The following MRAP2 variants were observed in gnomAD, a reference collection of about 807,000 sequenced individuals.
MRAP2 encodes melanocortin-2 receptor accessory protein 2.
MRAP2 carries 20 observed loss-of-function variants against 17.4 expected under a neutral mutation model. The ratio of observed to expected loss-of-function variants is 1.15; its 90% CI spans 0.81 to 1.67. The LOEUF (loss-of-function observed/expected upper bound fraction) is 1.67, where lower values mean the gene tolerates loss of function less well. Ranked by LOEUF, MRAP2 falls within the 40% of genes most tolerant of loss-of-function variation. The pLI, the probability that MRAP2 is intolerant of heterozygous loss-of-function variation, is 0.00. For missense variants in MRAP2, 238 were observed against 240.0 expected, an observed-to-expected ratio of 0.99 and a Z score of 0.05; for synonymous variants, 96 against 88.4, an observed-to-expected ratio of 1.09 and a Z score of -0.48.
At chr6:84,120,306 A>G in the MRAP2 span, among the ~76,000 whole-genome samples, 6 of 152,166 alleles carry the variant, frequency 3.9e-5, no homozygotes, top group African/African-American at 1.4e-4. Context: ...CAATCTCTTG[A>G]TCAACAATTC....
At chr6:84,097,488 CTG>C in the MRAP2 span, among the ~76,000 whole-genome samples, 3 of 152,120 alleles carry the variant, frequency 2.0e-5, no homozygotes, top group South Asian at 2.1e-4. Context: ...TCTCAGTTCA[CTG>C]TGTTTCCAGA....
At chr6:84,108,566 T>G in the MRAP2 span, among the ~76,000 whole-genome samples, 1 of 152,200 alleles carries the variant, frequency 6.6e-6, no homozygotes, top group Non-Finnish European at 1.5e-5. Context: ...TCCTTATAGA[T>G]GCTGGATATT....
Position 84,058,072 on chromosome 6 carries a change from G to T in MRAP2, c.127+2627G>T, listed in dbSNP as rs185647915. Among the ~76,000 whole-genome samples, 5 of 152,238 alleles carry T rather than the reference G, an allele frequency of 3.3e-5. No homozygotes were observed. The South Asian group carries it at 1.0e-3, about 32-fold the overall frequency. ...GGCTGTGGGGACAAGGACATGGGGG[G>T]GCCTTAGAGGTCATGCTAAGGACTT... On this transcript the variant is annotated intron_variant, in intron 2 of 3. Coordinates refer to ENST00000257776, the MANE Select transcript of MRAP2 (RefSeq NM_138409.4).
the MRAP2 span, among the ~76,000 whole-genome samples, chr6:84,135,975 G>A: frequency 1.3e-5 from 2 of 152,218 alleles, no homozygotes; most frequent in African/African-American, 2.4e-5. Flanking sequence ...CACTTTGCTA[G>A]AGGAATTGTG....
chr6:84,124,776 T>C, the MRAP2 span: 3 of 356,360 alleles, frequency 8.4e-6, no homozygotes, highest in African/African-American at 6.6e-5. Flanking sequence ...TGGCGGAGTA[T>C]GTTCAATTTT....
intron 3 of MRAP2, among the ~76,000 whole-genome samples, chr6:84,080,942 T>C (rs1247094467): frequency 6.6e-6 from 1 of 152,222 alleles, no homozygotes; most frequent in Non-Finnish European, 1.5e-5. Context: ...CCCAGAGGAA[T>C]ATATCTAGGT....
chr6:84,126,636 G>A, the MRAP2 span: 6,516 of 595,688 alleles, frequency 0.011, 55 homozygotes, highest in Non-Finnish European at 0.014. Context: ...GATTGTTAGA[G>A]TAATTAATAG....
chr6:84,035,467 T>A (rs1030826926), intron 1 of MRAP2: 2 of 965,584 alleles, frequency 2.1e-6, no homozygotes, highest in East Asian at 2.3e-4. Context: ...TCTTCAAATG[T>A]GGGCTGTGAC....
At chr6:84,117,837 C>T in the MRAP2 span, among the ~76,000 whole-genome samples, 1 of 152,178 alleles carries the variant, frequency 6.6e-6, no homozygotes, top group Non-Finnish European at 1.5e-5. Flanking sequence ...AAGATGGCGG[C>T]CTGCCCCTTC....
intron 3 of MRAP2, among the ~76,000 whole-genome samples, chr6:84,085,965 A>C (rs1198223273): frequency 6.6e-6 from 1 of 152,246 alleles, no homozygotes; most frequent in Non-Finnish European, 1.5e-5. Context: ...AGAACAGGTG[A>C]GCCATGGAGG....
At chr6:84,080,244 G>T (rs1269505632) in intron 3 of MRAP2, among the ~76,000 whole-genome samples, 1 of 151,660 alleles carries the variant, frequency 6.6e-6, no homozygotes, top group African/African-American at 2.4e-5. Context: ...CACCATTTTA[G>T]CCAGGATGGT....
At chr6:84,095,049 A>G (rs1230173883), downstream of MRAP2, among the ~76,000 whole-genome samples, 2 of 152,176 alleles carry the variant, frequency 1.3e-5, no homozygotes, top group Non-Finnish European at 2.9e-5. Context: ...TACAACAGCA[A>G]TAGAAATTAA....
chr6:84,069,025 G>A lies in MRAP2; in HGVS notation c.227+6033G>A, dbSNP rs1429986150. ...TCTGGAGGAGCCTTTAGGGTTTGCT[G>A]ATGATCATATCGTCAGCAAACAGTG... On this transcript the variant is annotated intron_variant, in intron 3 of 3. Transcript: ENST00000257776. Among the ~76,000 whole-genome samples, 3 of 151,920 alleles carry A rather than the reference G, an allele frequency of 2.0e-5. No homozygotes were observed. The East Asian group carries it at 5.8e-4, about 29-fold the overall frequency.
chr6:84,083,584 C>T (rs1354614959), intron 3 of MRAP2, among the ~76,000 whole-genome samples: 1 of 152,084 alleles, frequency 6.6e-6, no homozygotes, highest in Non-Finnish European at 1.5e-5. Context: ...TCTTGATGAA[C>T]AGTAAACCCG....
At chr6:84,126,331 C>G in the MRAP2 span, 1 of 1,398,706 alleles carries the variant, frequency 7.1e-7, no homozygotes, top group South Asian at 1.7e-5. Context: ...ATTAAAGGCA[C>G]TTAAAAGTAA....
At chr6:84,093,316 C>A (rs541341623), downstream of MRAP2, among the ~76,000 whole-genome samples, 15 of 152,212 alleles carry the variant, frequency 9.9e-5, no homozygotes, top group African/African-American at 3.4e-4. Flanking sequence ...TATGTAGGAA[C>A]TTGACTCACC....
intron 1 of MRAP2, among the ~76,000 whole-genome samples, chr6:84,049,887 T>G (rs1468201939): frequency 1.3e-5 from 2 of 152,090 alleles, no homozygotes; most frequent in African/African-American, 4.8e-5. Context: ...GAGTACTTTC[T>G]AGGATACACT....
chr6:84,132,130 G>T, the MRAP2 span, among the ~76,000 whole-genome samples: 3 of 152,266 alleles, frequency 2.0e-5, no homozygotes, highest in East Asian at 1.9e-4. Context: ...TGAAATTCTG[G>T]GTTGAAAATT....
At chr6:84,063,057 T>C (rs2099493598) in intron 3 of MRAP2, 65 bp downstream of exon 3, 1 of 1,606,710 alleles carries the variant, frequency 6.2e-7, no homozygotes, top group Non-Finnish European at 8.5e-7. Context: ...TAGAAACTAC[T>C]ACCCAGGGCC....
Sources: allele counts gnomAD v4.1 joint callset (sites outside exome capture counted in the v4.1 genomes callset), GRCh38; gene constraint gnomAD v4.1.1; transcripts MANE v1.5; gene names NCBI Gene and HGNC (gene_info 2026-07-23, HGNC 2026-07-21).